Variants in HAUS2 observed in about 807,000 individuals in gnomAD.
HAUS2 encodes the protein HAUS augmin-like complex subunit 2.
A neutral mutation model predicts 21.6 loss-of-function variants in HAUS2; 20 were observed. The ratio of observed to expected loss-of-function variants is 0.93; its 90% CI spans 0.65 to 1.35. The LOEUF (loss-of-function observed/expected upper bound fraction) is 1.35. Among genes scored for constraint, HAUS2 ranks in the 40% most tolerant of loss-of-function variants. The pLI is 0.00. For synonymous variants in HAUS2, 113 were observed against 95.6 expected, an observed-to-expected ratio of 1.18 and a Z score of -1.06; for missense variants, 297 against 280.7, an observed-to-expected ratio of 1.06 and a Z score of -0.42.
At chr15:42,559,200 T>A in intron 2 of HAUS2, 139 bp from the exon 3 acceptor site, 1 of 485,640 alleles carries the variant, frequency 2.1e-6, no homozygotes, top group African/African-American at 2.1e-5. Flanking sequence ...AGTGGCACAA[T>A]CTCGGCTCAC....
At chr15:42,560,699 T>A (rs1017500106) in intron 3 of HAUS2, 26 of 665,756 alleles carry the variant, frequency 3.9e-5, no homozygotes, top group Non-Finnish European at 6.8e-5. Flanking sequence ...ACACGTGGTT[T>A]CAACTGATTC....
At chr15:42,563,937 G>C (rs2057879204) in intron 5 of HAUS2, 80 bp downstream of exon 5, 3 of 740,002 alleles carry the variant, frequency 4.1e-6, no homozygotes, top group Admixed American at 4.8e-5. Context: ...CTTTTTAATA[G>C]CTAATATTAC....
chr15:42,558,329 T>G (rs374459458), intron 2 of HAUS2, 39 bp downstream of exon 2: 312 of 795,714 alleles, frequency 3.9e-4, no homozygotes, highest in East Asian at 8.7e-4. Flanking sequence ...TTTTTTTTTT[T>G]TTTTTTTTTG....
At chr15:42,549,478 G>C (rs943784504) in intron 1 of HAUS2, among the ~76,000 whole-genome samples, 7 of 151,334 alleles carry the variant, frequency 4.6e-5, no homozygotes, top group African/African-American at 1.2e-4. Context: ...ACAGAGTCTC[G>C]CTCTAACGCC....
intron 1 of HAUS2, among the ~76,000 whole-genome samples, chr15:42,551,311 A>G (rs2057723247): frequency 6.6e-6 from 1 of 151,874 alleles, no homozygotes; most frequent in Non-Finnish European, 1.5e-5. Context: ...TCTCACTTGT[A>G]TTGTCCAGTT....
intron 1 of HAUS2, among the ~76,000 whole-genome samples, chr15:42,551,497 C>T (rs562847047): frequency 6.6e-6 from 1 of 151,872 alleles, no homozygotes; most frequent in Admixed American, 6.6e-5. Flanking sequence ...AAAAATCAGC[C>T]GGGTATAGTG....
chr15:42,549,496 G>C (rs1052403070), intron 1 of HAUS2, among the ~76,000 whole-genome samples: 4 of 151,692 alleles, frequency 2.6e-5, no homozygotes, highest in African/African-American at 4.8e-5. Context: ...GCCCAGGCTG[G>C]AGTGCAGTGG....
At chr15:42,566,159 G>A (rs546816210) in intron 5 of HAUS2, among the ~76,000 whole-genome samples, 5 of 150,970 alleles carry the variant, frequency 3.3e-5, no homozygotes, top group African/African-American at 4.9e-5. Flanking sequence ...CTGAGATTGC[G>A]CCACTGCACT....
chr15:42,552,210 G>A (rs1374905674), intron 1 of HAUS2, among the ~76,000 whole-genome samples: 1 of 151,982 alleles, frequency 6.6e-6, no homozygotes, highest in Admixed American at 6.6e-5. Context: ...TTTTAGTAGA[G>A]ATGGGGTTTC....
intron 5 of HAUS2, among the ~76,000 whole-genome samples, chr15:42,565,489 T>C (rs905731188): frequency 6.6e-6 from 1 of 151,330 alleles, no homozygotes; most frequent in Non-Finnish European, 1.5e-5. Flanking sequence ...GCCTTAATCA[T>C]GGAGAAAATA....
intron 5 of HAUS2, among the ~76,000 whole-genome samples, chr15:42,565,387 ATGTG>A (rs139933934): frequency 0.014 from 1,916 of 136,476 alleles, 24 homozygotes; most frequent in East Asian, 0.069. Flanking sequence ...GAGCCATTGA[ATGTG>A]TGTGTGTGTG....
At chr15:42,561,431 T>A in intron 4 of HAUS2, 29 bp downstream of exon 4, 1 of 1,501,704 alleles carries the variant, frequency 6.7e-7, no homozygotes, top group Non-Finnish European at 9.2e-7. Context: ...AATTAACAGT[T>A]ACACCTGTTT....
chr15:42,561,347 A>G lies in HAUS2; in HGVS notation c.334A>G (p.Arg112Gly). Residue 112 changes from arginine to glycine, a missense_variant, in exon 4 of 6, where the codon AGA (arginine) becomes GGA (glycine). Transcript: ENST00000260372. ...VLKEKRSLRQ[R>G]LLKPMCQENL... is the part of the protein sequence containing the mutation. ...GAAAGAGAAGAGATCCCTTAGGCAA[A>G]GACTGTTGAAACCCATGTGCCAGGA... The G allele has an allele frequency of 6.3e-7, 1 of 1,591,970 alleles. No individual in the cohort carries two copies. Among genetic ancestry groups the G allele is most frequent in the Non-Finnish European group, 8.6e-7 (1 of 1,159,860 alleles).
At chr15:42,562,793 C>A (rs1299935193) in intron 4 of HAUS2, among the ~76,000 whole-genome samples, 1 of 152,162 alleles carries the variant, frequency 6.6e-6, no homozygotes, top group Non-Finnish European at 1.5e-5. Context: ...TGTCTTCATT[C>A]TTCACAGAGA....
intron 2 of HAUS2, 140 bp downstream of exon 2, chr15:42,558,430 C>A: frequency 3.8e-6 from 2 of 532,060 alleles, no homozygotes; most frequent in Non-Finnish European, 6.7e-6. Flanking sequence ...CAGGTTCACG[C>A]CGTTCTTCTG....
intron 1 of HAUS2, among the ~76,000 whole-genome samples, chr15:42,549,796 G>T (rs1452280219): frequency 2.0e-5 from 3 of 148,514 alleles, no homozygotes; most frequent in Non-Finnish European, 4.5e-5. Flanking sequence ...AAAAGTATTG[G>T]CTAAAAAGAT....
At chr15:42,563,435 GAAAAT>G in intron 4 of HAUS2, among the ~76,000 whole-genome samples, 1 of 144,198 alleles carries the variant, frequency 6.9e-6, no homozygotes, top group Non-Finnish European at 1.5e-5. Flanking sequence ...AAAAAGAAAA[GAAAAT>G]GGAATGGGGT....
chr15:42,565,114 G>GGCATGAGCCACCTTGCCCA (rs1363075794), intron 5 of HAUS2, among the ~76,000 whole-genome samples: 4 of 152,212 alleles, frequency 2.6e-5, no homozygotes, highest in Admixed American at 2.6e-4. Flanking sequence ...TGGGATTAAA[G>GGCATGAGCCACCTTGCCCA]GCCTGAGCCA....
At position 42,563,724 on chromosome 15, in the gene HAUS2, G is replaced by A. The variant is rs189104333; in HGVS notation, c.390-25G>A. 4.3e-5 allele frequency: 49 copies of A among 1,131,820 alleles called. No individual in the cohort carries two copies. The African/African-American group carries it at 6.9e-4, about 16-fold the overall frequency. The allele number at this position is 1,131,820 out of a possible 1,614,324, so 70.1% of individuals were successfully genotyped here. On this transcript the variant is annotated intron_variant, in intron 4 of 5. Coordinates refer to ENST00000260372, the MANE Select transcript of HAUS2 (RefSeq NM_018097.3). The stretch of plus-strand genomic sequence containing the variant: ...TAAAACAATTAAACTTTAAAAAATG[G>A]TTGACTTTTTTCTTTCTCTTTCAGA...
Sources: gnomAD v4.1 joint callset for allele counts (sites outside exome capture counted in the v4.1 genomes callset) on GRCh38, gnomAD v4.1.1 for gene constraint, MANE v1.5 for transcripts, NCBI Gene and HGNC (gene_info 2026-07-23, HGNC 2026-07-21) for gene names.